Variants in UBAP2 observed in about 807,000 individuals in gnomAD.
The protein encoded by UBAP2 is ubiquitin associated protein 2, also known as ubiquitin-associated protein 2.
A neutral mutation model predicts 139.6 loss-of-function variants in UBAP2; 75 were observed. The ratio of observed to expected loss-of-function variants is 0.54; its 90% CI spans 0.45 to 0.65. The LOEUF (loss-of-function observed/expected upper bound fraction) is 0.65. Among genes scored for constraint, UBAP2 ranks in the 30% least tolerant of loss-of-function variants. UBAP2 has a pLI of 0.00. For missense variants in UBAP2, 1,368 were observed against 1,369.6 expected (o/e 1.00, Z 0.02); for synonymous variants, 526 against 526.2 (o/e 1.00, Z 0.01).
intron 6 of UBAP2, among the ~76,000 whole-genome samples, chr9:33,980,921 T>C (rs558558069): frequency 1.3e-5 from 2 of 151,128 alleles, no homozygotes; most frequent in African/African-American, 4.9e-5. Flanking sequence ...CACACCAGCC[T>C]GGGTGACAAT....
intron 11 of UBAP2, among the ~76,000 whole-genome samples, chr9:33,953,900 T>C (rs1826314059): frequency 6.6e-6 from 1 of 152,066 alleles, no homozygotes; most frequent in African/African-American, 2.4e-5. Context: ...AGCAATTCAA[T>C]AAGTTTCACT....
chr9:33,991,796 A>AT (rs919972529), intron 4 of UBAP2, among the ~76,000 whole-genome samples: 5 of 152,214 alleles, frequency 3.3e-5, no homozygotes, highest in African/African-American at 7.2e-5. Flanking sequence ...CAAAAAGTAA[A>AT]TTCCAGAGGT....
intron 4 of UBAP2, among the ~76,000 whole-genome samples, chr9:33,989,761 C>A (rs1214540467): frequency 1.3e-5 from 2 of 151,920 alleles, no homozygotes; most frequent in Non-Finnish European, 2.9e-5. Context: ...ACCTCACTTA[C>A]CTCTCTATTA....
chr9:33,940,920 C>T (rs563895232), intron 16 of UBAP2, among the ~76,000 whole-genome samples: 2 of 152,280 alleles, frequency 1.3e-5, no homozygotes, highest in South Asian at 4.1e-4. Context: ...AAAAAATTAG[C>T]GCAACTTTCT....
intron 4 of UBAP2, among the ~76,000 whole-genome samples, chr9:33,990,922 C>A (rs915986099): frequency 2.0e-5 from 3 of 152,110 alleles, no homozygotes; most frequent in Non-Finnish European, 4.4e-5. Context: ...CAGGCATAAG[C>A]CACTGCGCCT....
At chr9:33,980,877 G>T (rs969463790) in intron 6 of UBAP2, among the ~76,000 whole-genome samples, 2 of 151,088 alleles carry the variant, frequency 1.3e-5, no homozygotes, top group Admixed American at 6.6e-5. Context: ...AGCCTGGGAG[G>T]TGGAGAGTGC....
intron 2 of UBAP2, among the ~76,000 whole-genome samples, chr9:34,008,709 G>A (rs998899296): frequency 3.3e-5 from 5 of 152,120 alleles, no homozygotes; most frequent in Admixed American, 3.3e-4. Context: ...GCTCCTGCCT[G>A]TAATCCCAGC....
At chr9:34,007,324 C>G (rs1823305900) in intron 2 of UBAP2, among the ~76,000 whole-genome samples, 1 of 151,966 alleles carries the variant, frequency 6.6e-6, no homozygotes, top group Admixed American at 6.6e-5. Context: ...TGGTGAGACG[C>G]TGTCTCTTCA....
chr9:34,011,660 T>C, intron 2 of UBAP2: 5 of 987,536 alleles, frequency 5.1e-6, no homozygotes, highest in Non-Finnish European at 6.0e-6. Context: ...AAGAGGTCGG[T>C]ACAGCTTGGG....
intron 13 of UBAP2, among the ~76,000 whole-genome samples, chr9:33,948,035 A>G (rs1217472744): frequency 6.6e-6 from 1 of 151,290 alleles, no homozygotes; most frequent in Non-Finnish European, 1.5e-5. Context: ...TCTATGTTCT[A>G]TCACCACCCT....
At chr9:33,978,289 C>T (rs1325407119) in intron 6 of UBAP2, among the ~76,000 whole-genome samples, 1 of 151,742 alleles carries the variant, frequency 6.6e-6, no homozygotes, top group Non-Finnish European at 1.5e-5. Context: ...ATCCCAGCAC[C>T]TTGGTAGGTC....
At position 33,956,103 on chromosome 9, in the gene UBAP2, T is replaced by G; in HGVS notation, c.842A>C (p.Glu281Ala). Residue 281 changes from glutamate to alanine, a missense_variant, in exon 11 of 29, where the codon GAG becomes GCG. Transcript: ENST00000379238. ...KVFTASSAPA[E>A]NHILPGQSID... is the part of the protein sequence containing the mutation. The stretch of plus-strand genomic sequence containing the variant: ...CCTTTGCCCAGGTAAGATGTGATTC[T>G]CTGCTGGAGCAGATGAGGCAGTGAA... 1 of 1,613,638 alleles carries G rather than the reference T, an allele frequency of 6.2e-7. No individual in the cohort carries two copies. Among genetic ancestry groups the G allele is most frequent in the Non-Finnish European group, 8.5e-7 (1 of 1,179,854 alleles).
intron 1 of UBAP2, among the ~76,000 whole-genome samples, chr9:34,033,631 G>A (rs990506517): frequency 6.6e-6 from 1 of 151,640 alleles, no homozygotes; most frequent in Non-Finnish European, 1.5e-5. Flanking sequence ...AGGCTGAAGC[G>A]CAGTGGTGCA....
intron 1 of UBAP2, among the ~76,000 whole-genome samples, chr9:34,035,961 C>T (rs114210374): frequency 3.3e-5 from 5 of 151,730 alleles, no homozygotes; most frequent in East Asian, 1.9e-4. Context: ...TGAGCCTGAT[C>T]GCATCACTGC....
intron 3 of UBAP2, chr9:33,997,934 G>A (rs1470981928): frequency 1.3e-5 from 2 of 152,168 alleles, no homozygotes; most frequent in African/African-American, 4.8e-5. Context: ...TGGAATATCT[G>A]GCACTGAGGT....
At position 33,922,592 on chromosome 9, in the gene UBAP2, G is replaced by A. The variant is rs772271164; in HGVS notation, c.3272C>T (p.Ser1091Leu). ...HHLPQDAQSG[S>L]GQRSQPSSLQ... ...GGAGCTGGGCTGGCTGCGCTGACCC[G>A]AGCCACTCTGAGGAAGAGGAGAAGG... The change falls in exon 29 of 29, where the codon TCG becomes TTG. Residue 1091 changes from serine to leucine, a missense_variant. Transcript: ENST00000379238. 1.5e-5 allele frequency: 24 copies of A among 1,613,154 alleles called. No homozygotes were observed. The highest frequency in any genetic ancestry group is 7.7e-5 in the South Asian group (7 of 90,974).
At chr9:33,972,802 A>T (rs1304938380) in intron 7 of UBAP2, among the ~76,000 whole-genome samples, 2 of 152,198 alleles carry the variant, frequency 1.3e-5, no homozygotes, top group African/African-American at 2.4e-5. Context: ...TGGATTAACT[A>T]AAATGGCTCT....
intron 1 of UBAP2, among the ~76,000 whole-genome samples, chr9:34,047,821 A>C (rs1258115040): frequency 6.6e-6 from 1 of 152,226 alleles, no homozygotes; most frequent in African/African-American, 2.4e-5. Flanking sequence ...CTCTAAAATT[A>C]ATAGTAATTT....
chr9:33,956,216 C>T, intron 10 of UBAP2, 70 bp from the exon 11 acceptor site: 1 of 1,099,170 alleles, frequency 9.1e-7, no homozygotes, highest in Non-Finnish European at 1.4e-6. Flanking sequence ...ACTTCCTGAT[C>T]ATTTGTAGTC....
Sources: allele counts gnomAD v4.1 joint callset (sites outside exome capture counted in the v4.1 genomes callset), GRCh38; gene constraint gnomAD v4.1.1; transcripts MANE v1.5; gene names NCBI Gene and HGNC (gene_info 2026-07-23, HGNC 2026-07-21).